LMBRD2: variants seen among roughly 807,000 people sequenced by gnomAD.
LMBRD2 encodes the protein LMBR1 domain containing 2.
A neutral mutation model predicts 94.4 loss-of-function variants in LMBRD2; 55 were observed. The ratio of observed to expected loss-of-function variants is 0.58; its 90% CI spans 0.47 to 0.73. The LOEUF (loss-of-function observed/expected upper bound fraction) is 0.73, where lower values mean the gene tolerates loss of function less well. Among genes scored for constraint, LMBRD2 ranks in the 30% least tolerant of loss-of-function variants. The pLI, the probability that LMBRD2 is intolerant of heterozygous loss-of-function variation, is 0.00. For synonymous variants in LMBRD2, 246 were observed against 272.4 expected (o/e 0.90, Z 0.95); for missense variants, 640 against 831.9 (o/e 0.77, Z 2.84).
chr5:36,131,452 T>G (rs1744150474), intron 6 of LMBRD2, among the ~76,000 whole-genome samples: 1 of 152,114 alleles, frequency 6.6e-6, no homozygotes, highest in Non-Finnish European at 1.5e-5. Flanking sequence ...CTTTCACCAC[T>G]GTTATTCAAT....
chr5:36,137,286 A>G lies in LMBRD2; in HGVS notation c.524T>C (p.Leu175Ser). 1 of 1,583,270 alleles carries G rather than the reference A, an allele frequency of 6.3e-7. No homozygotes were observed. The highest frequency in any genetic ancestry group is 8.6e-7 in the Non-Finnish European group (1 of 1,159,092). ...CTACTTTTCTTACCATTCTAAATGT[A>G]AATGTGGGTTTACAGCTACATAAAT... ...FLIYVAVNPH[L>S]HLEWNQLQTI... The change falls in exon 5 of 18, where the codon TTA becomes TCA. Residue 175 changes from leucine (L) to serine (S), a missense_variant. Around this residue, in one of 2 missense-constraint regions of LMBRD2, gnomAD observed 457 missense variants for 642.8 expected, o/e 0.71. Coordinates refer to ENST00000296603, the MANE Select transcript of LMBRD2 (RefSeq NM_001007527.2).
Position 36,098,513 on chromosome 5 carries a change from T to C in LMBRD2, c.*5533A>G, listed in dbSNP as rs915755356. 5 of 152,060 alleles carry C rather than the reference T, an allele frequency of 3.3e-5. No individual in the cohort carries two copies. The highest frequency in any genetic ancestry group is 4.1e-4 in the South Asian group (2 of 4,832). The allele number at this position is 152,060 out of a possible 1,614,324, so 9.4% of individuals were successfully genotyped here. ...CTGAATCTACTTAAAAGAACCTTAATCTCAAATGAAGTAAAATATATAAAC... is the reference window on the plus strand; with the variant it reads ...CTGAATCTACTTAAAAGAACCTTAACCTCAAATGAAGTAAAATATATAAAC... On this transcript the variant is annotated 3_prime_UTR_variant, in exon 18 of 18. Coordinates refer to ENST00000296603, the MANE Select transcript of LMBRD2 (RefSeq NM_001007527.2).
In LMBRD2 at chr5:36,102,474, G is replaced by A. The variant is rs1341679952; in HGVS notation, c.*1572C>T. On this transcript the variant is annotated 3_prime_UTR_variant, in exon 18 of 18. Coordinates refer to ENST00000296603, the MANE Select transcript of LMBRD2 (RefSeq NM_001007527.2). ...TCACATGAAAAGACTGTATGTGTGT[G>A]TTCTTAAGTGTAGTCTATATGACCT... 7 of 151,666 alleles carry A rather than the reference G, an allele frequency of 4.6e-5. No individual in the cohort carries two copies. Among genetic ancestry groups the A allele is most frequent in the Non-Finnish European group, 1.0e-4 (7 of 67,758 alleles). 9.4% of individuals were successfully genotyped at this position (151,666 alleles called of 1,614,324 possible).
intron 9 of LMBRD2, among the ~76,000 whole-genome samples, chr5:36,119,577 T>A (rs574362115): frequency 2.0e-5 from 3 of 152,164 alleles, no homozygotes; most frequent in Non-Finnish European, 4.4e-5. Flanking sequence ...TCAGCCTGCA[T>A]CCACACAGCT....
chr5:36,106,464 T>C (rs970571990), intron 16 of LMBRD2, among the ~76,000 whole-genome samples: 6 of 151,924 alleles, frequency 3.9e-5, no homozygotes, highest in African/African-American at 1.2e-4. Context: ...TCTTCCCAGA[T>C]TGAAATCTTA....
intron 12 of LMBRD2, 85 bp downstream of exon 12, chr5:36,114,930 C>G: frequency 1.2e-6 from 1 of 867,220 alleles, no homozygotes; most frequent in Non-Finnish European, 1.8e-6. Context: ...TAGAACTTTT[C>G]TGCTGGCATT....
chr5:36,134,556 A>G (rs1328739414), intron 6 of LMBRD2, among the ~76,000 whole-genome samples: 2 of 152,120 alleles, frequency 1.3e-5, no homozygotes, highest in African/African-American at 4.8e-5. Context: ...TTACAAAACA[A>G]TGAAGTTTGG....
chr5:36,113,243 T>C (rs1743656718), intron 13 of LMBRD2, among the ~76,000 whole-genome samples: 1 of 152,104 alleles, frequency 6.6e-6, no homozygotes, highest in Non-Finnish European at 1.5e-5. Context: ...CCTGTCCTGT[T>C]CTGTTCCGAT....
At chr5:36,117,201 T>C (rs1743768266) in intron 10 of LMBRD2, among the ~76,000 whole-genome samples, 1 of 152,064 alleles carries the variant, frequency 6.6e-6, no homozygotes, top group East Asian at 1.9e-4. Context: ...CTGGCATAAA[T>C]ATAATCAAAG....
At chr5:36,105,830 G>A (rs1309547699) in intron 16 of LMBRD2, among the ~76,000 whole-genome samples, 1 of 152,130 alleles carries the variant, frequency 6.6e-6, no homozygotes, top group Non-Finnish European at 1.5e-5. Context: ...CCAGACAGCA[G>A]ATAAAGAAAA....
intron 6 of LMBRD2, among the ~76,000 whole-genome samples, chr5:36,129,898 A>T (rs558957851): frequency 6.6e-6 from 1 of 152,340 alleles, no homozygotes; most frequent in East Asian, 1.9e-4. Flanking sequence ...GACATGGATG[A>T]AGCTGGAAAC....
chr5:36,115,318 C>T (rs531014044), intron 11 of LMBRD2, among the ~76,000 whole-genome samples, 198 bp from the exon 12 acceptor site: 4 of 152,290 alleles, frequency 2.6e-5, no homozygotes, highest in African/African-American at 9.6e-5. Flanking sequence ...CACATCAATG[C>T]CTACGTGACT....
chr5:36,104,565 C>A (rs1285376403), intron 17 of LMBRD2, among the ~76,000 whole-genome samples: 2 of 151,962 alleles, frequency 1.3e-5, no homozygotes, highest in Admixed American at 1.3e-4. Context: ...CTTTGAATGC[C>A]TGACTTGCCA....
intron 2 of LMBRD2, chr5:36,142,852 G>A (rs1335729569): frequency 3.9e-5 from 15 of 382,566 alleles, no homozygotes; most frequent in Non-Finnish European, 5.7e-5. Flanking sequence ...AGCCTCCCGA[G>A]TAGCTGGGAC....
intron 17 of LMBRD2, 68 bp from the exon 18 acceptor site, chr5:36,104,174 A>T: frequency 7.9e-7 from 1 of 1,258,978 alleles, no homozygotes; most frequent in Non-Finnish European, 1.2e-6. Context: ...GAAAACAAGA[A>T]TACATTAAAA....
chr5:36,126,454 T>C (rs1199922394), intron 6 of LMBRD2, among the ~76,000 whole-genome samples: 1 of 152,212 alleles, frequency 6.6e-6, no homozygotes. Flanking sequence ...CAAAATAATG[T>C]AACTTTGAGC....
chr5:36,125,465 GA>G (rs1437689674), intron 6 of LMBRD2, among the ~76,000 whole-genome samples: 8 of 152,074 alleles, frequency 5.3e-5, no homozygotes, highest in Admixed American at 6.6e-5. Flanking sequence ...CAAATCAACA[GA>G]AAAATGGGAA....
Position 36,137,866 on chromosome 5 carries a change from G to C in LMBRD2, c.369-425C>G, listed in dbSNP as rs146973420. Among the ~76,000 whole-genome samples the C allele has an allele frequency of 1.5e-4, 23 of 152,282 alleles. No homozygotes were observed. The East Asian group carries it at 4.4e-3, about 29-fold the overall frequency. The stretch of plus-strand genomic sequence containing the variant: ...AGTACCTAGGAGACATCCAAGAGGA[G>C]CTGCACACAAACCCAGCTTCAGGGT... On this transcript the variant is annotated intron_variant, in intron 4 of 17. Transcript: ENST00000296603.
At chr5:36,130,367 A>AT (rs1333672584) in intron 6 of LMBRD2, among the ~76,000 whole-genome samples, 1 of 152,200 alleles carries the variant, frequency 6.6e-6, no homozygotes, top group Non-Finnish European at 1.5e-5. Flanking sequence ...TCAGTTTAAA[A>AT]TAACAGGCTA....
Sources: allele counts gnomAD v4.1 joint callset (sites outside exome capture counted in the v4.1 genomes callset), GRCh38; gene constraint gnomAD v4.1.1; regional missense constraint gnomAD v4.1.1; transcripts MANE v1.5; gene names NCBI Gene and HGNC (gene_info 2026-07-23, HGNC 2026-07-21).